PAPPA: variants seen among roughly 807,000 people sequenced by gnomAD.
The protein encoded by PAPPA is pappalysin 1, also known as pappalysin-1.
Under a neutral mutation model 164.0 loss-of-function variants are expected in PAPPA, and 60 were observed. That is an observed-to-expected ratio of 0.37 (90% CI 0.30 to 0.45). The LOEUF is 0.45. Among genes scored for constraint, PAPPA ranks in the 20% least tolerant of loss-of-function variants. The probability of loss-of-function intolerance (pLI) is 1.00; values close to 1 mark genes in which losing one functional copy is unlikely to be tolerated. For missense variants in PAPPA, 1,782 were observed against 2,087.3 expected, an observed-to-expected ratio of 0.85 and a Z score of 2.85; for synonymous variants, 875 against 814.1, an observed-to-expected ratio of 1.07 and a Z score of -1.27.
intron 12 of PAPPA, among the ~76,000 whole-genome samples, chr9:116,334,027 T>A (rs989304008): frequency 7.9e-5 from 12 of 152,130 alleles, no homozygotes; most frequent in African/African-American, 2.9e-4. Flanking sequence ...ATTTTTTGGA[T>A]GTGAAAACTG....
intron 1 of PAPPA, among the ~76,000 whole-genome samples, chr9:116,155,335 C>T (rs1038748719): frequency 5.9e-5 from 9 of 152,218 alleles, no homozygotes; most frequent in African/African-American, 2.2e-4. Context: ...CCTCTCTCTC[C>T]CCTTCGCTGT....
intron 19 of PAPPA, among the ~76,000 whole-genome samples, chr9:116,372,382 CTCTT>C (rs766016651): frequency 1.3e-5 from 2 of 152,108 alleles, no homozygotes; most frequent in Non-Finnish European, 2.9e-5. Context: ...AATTTGAAAT[CTCTT>C]TCTTTTTTTA....
intron 6 of PAPPA, among the ~76,000 whole-genome samples, chr9:116,232,649 C>T (rs1348984135): frequency 6.6e-6 from 1 of 152,202 alleles, no homozygotes; most frequent in Non-Finnish European, 1.5e-5. Context: ...ATGTGCTTGG[C>T]ACAGTGCCTG....
At chr9:116,376,703 C>T (rs912210933) in intron 19 of PAPPA, among the ~76,000 whole-genome samples, 11 of 152,204 alleles carry the variant, frequency 7.2e-5, no homozygotes, top group Admixed American at 2.6e-4. Context: ...CTCTGCCTAA[C>T]GGGGCTAGGA....
rs147697691 is a variant in PAPPA at position 116,352,803 on chromosome 9, T to G, written c.4062T>G (p.Asn1354Lys). The G allele has an allele frequency of 6.2e-7, 1 of 1,614,004 alleles. No homozygotes were observed. Among genetic ancestry groups the G allele is most frequent in the South Asian group, 1.1e-5 (1 of 91,060 alleles). The change falls in exon 16 of 22, where the codon AAT becomes AAG. Residue 1354 changes from asparagine (N) to lysine (K), a missense_variant. Asn to Lys is a moderately conservative substitution (Grantham distance 94). Coordinates refer to ENST00000328252, the MANE Select transcript of PAPPA (RefSeq NM_002581.5). ...LMCLAPPPVPNADLQTARCRE... is the reference protein window; with the variant it reads ...LMCLAPPPVPKADLQTARCRE... ...GCCTCGCTCCACCCCCTGTGCCCAA[T>G]GCAGACCTCCAGACCGCCCGGTGCC...
chr9:116,322,967 A>G (rs189862124), intron 10 of PAPPA, among the ~76,000 whole-genome samples: 48 of 152,272 alleles, frequency 3.2e-4, no homozygotes, highest in African/African-American at 1.1e-3. Flanking sequence ...TAGAGGCTTG[A>G]TGAGCACTTC....
intron 1 of PAPPA, among the ~76,000 whole-genome samples, chr9:116,157,799 A>T: frequency 6.6e-6 from 1 of 151,964 alleles, no homozygotes; most frequent in East Asian, 1.9e-4. Context: ...GCTCCCTTTC[A>T]AGTCAGGGGA....
chr9:116,304,015 G>T (rs1845613000), intron 10 of PAPPA, among the ~76,000 whole-genome samples: 2 of 152,198 alleles, frequency 1.3e-5, no homozygotes, highest in African/African-American at 4.8e-5. Flanking sequence ...GGCATTTCCT[G>T]ATGCTTAACA....
intron 9 of PAPPA, chr9:116,286,501 A>T (rs992978061): frequency 9.2e-5 from 14 of 152,190 alleles, no homozygotes; most frequent in African/African-American, 2.2e-4. Flanking sequence ...CTCTTTGTTA[A>T]GGAAATTGAT....
chr9:116,353,671 G>A lies in PAPPA; in HGVS notation c.4225G>A (p.Ala1409Thr). The A allele has an allele frequency of 6.2e-7, 1 of 1,614,136 alleles. No individual in the cohort carries two copies. Among genetic ancestry groups the A allele is most frequent in the Non-Finnish European group, 8.5e-7 (1 of 1,180,014 alleles). The change falls in exon 17 of 22, where the codon GCT becomes ACT. Residue 1409 changes from alanine to threonine, a missense_variant. By Grantham distance (58) the Ala-to-Thr change is moderately conservative (BLOSUM62 0). This residue lies in a region of PAPPA where 1,324 missense variants were observed against 1,656.9 expected (regional missense o/e 0.80). Transcript: ENST00000328252. Reference protein sequence around the residue: ...CTQDGSWQEGACVPVTCDPPP... With the variant: ...CTQDGSWQEGTCVPVTCDPPP... The stretch of plus-strand genomic sequence containing the variant: ...CCAGGATGGCAGCTGGCAGGAGGGA[G>A]CTTGTGTTCCTGTGACCTGTGACCC...
At chr9:116,236,233 GT>G (rs1367020736) in intron 7 of PAPPA, among the ~76,000 whole-genome samples, 1 of 151,986 alleles carries the variant, frequency 6.6e-6, no homozygotes, top group Non-Finnish European at 1.5e-5. Context: ...GCAGCTTTAG[GT>G]TTCCGTAACT....
At chr9:116,233,552 T>G (rs1844623469) in intron 6 of PAPPA, among the ~76,000 whole-genome samples, 1 of 152,224 alleles carries the variant, frequency 6.6e-6, no homozygotes, top group Non-Finnish European at 1.5e-5. Context: ...AATCTTGTAA[T>G]TAAATCCATC....
intron 7 of PAPPA, among the ~76,000 whole-genome samples, chr9:116,236,838 T>C (rs1221734946): frequency 6.6e-6 from 1 of 152,206 alleles, no homozygotes; most frequent in African/African-American, 2.4e-5. Flanking sequence ...AAGTCACTTG[T>C]CCAAGATCAC....
intron 2 of PAPPA, among the ~76,000 whole-genome samples, chr9:116,194,055 G>A (rs1378495636): frequency 6.6e-6 from 1 of 152,222 alleles, no homozygotes; most frequent in Non-Finnish European, 1.5e-5. Flanking sequence ...TTGAGGAGAT[G>A]CAAGAAAGAT....
intron 10 of PAPPA, among the ~76,000 whole-genome samples, chr9:116,320,404 G>C (rs1845839426): frequency 6.6e-6 from 1 of 152,228 alleles, no homozygotes; most frequent in South Asian, 2.1e-4. Flanking sequence ...TTATCAGAAA[G>C]TGTCTCCTGG....
intron 7 of PAPPA, among the ~76,000 whole-genome samples, chr9:116,248,031 A>G (rs998857615): frequency 1.3e-5 from 2 of 152,186 alleles, no homozygotes; most frequent in African/African-American, 4.8e-5. Context: ...AATGTTCATG[A>G]TTCTTTCTAT....
chr9:116,154,164 C>A lies in PAPPA; in HGVS notation c.-9C>A. The A allele has an allele frequency of 6.8e-7, 1 of 1,478,448 alleles. No individual in the cohort carries two copies. Among genetic ancestry groups the A allele is most frequent in the Non-Finnish European group, 9.0e-7 (1 of 1,113,236 alleles). 91.6% of individuals were successfully genotyped at this position (1,478,448 alleles called of 1,614,324 possible). A position where few individuals can be genotyped will look rare whatever the true frequency, so the allele number is the denominator to read the frequency against. On this transcript the variant is annotated 5_prime_UTR_variant, in exon 1 of 22. Transcript: ENST00000328252. This position sits in a 1 kb window ranked among gnomAD's most constrained non-coding sequence, Gnocchi z 5.2. Reference sequence around the variant, plus strand: ...AGGGGCGAAGGGGGGGCGGGGGGAACCGTCGGACATGCGGCTCTGGAGTTG... The same window carrying A: ...AGGGGCGAAGGGGGGGCGGGGGGAAACGTCGGACATGCGGCTCTGGAGTTG...
chr9:116,173,642 TTCTCA>T (rs1428413428), intron 1 of PAPPA, among the ~76,000 whole-genome samples: 1 of 152,212 alleles, frequency 6.6e-6, no homozygotes, highest in East Asian at 1.9e-4. Context: ...GCAAATATCT[TTCTCA>T]TCTCGAGAGT....
intron 7 of PAPPA, among the ~76,000 whole-genome samples, chr9:116,238,009 G>A (rs1844691368): frequency 6.6e-6 from 1 of 152,018 alleles, no homozygotes; most frequent in African/African-American, 2.4e-5. Flanking sequence ...ATGAGCCACT[G>A]CACCTGGCTA....
Sources: gnomAD v4.1 joint callset for allele counts (sites outside exome capture counted in the v4.1 genomes callset) on GRCh38, gnomAD v4.1.1 for gene constraint, gnomAD v4.1.1 regional missense constraint, Gnocchi (gnomAD v3.1) non-coding constraint, MANE v1.5 for transcripts, NCBI Gene and HGNC (gene_info 2026-07-23, HGNC 2026-07-21) for gene names.